COL19A1: variants seen among roughly 807,000 people sequenced by gnomAD.
COL19A1 encodes the protein collagen type XIX alpha 1 chain.
COL19A1 carries 159 observed loss-of-function variants against 190.2 expected under a neutral mutation model. The observed-to-expected ratio is 0.84, with a 90% CI of 0.73 to 0.95. The LOEUF is 0.95. Ranked by LOEUF, COL19A1 falls within the 40% of genes least tolerant of loss-of-function variation. The pLI, the probability that COL19A1 is intolerant of heterozygous loss-of-function variation, is 0.00. For synonymous variants in COL19A1, 509 were observed against 458.9 expected (o/e 1.11, Z -1.39); for missense variants, 1,418 against 1,431.9 (o/e 0.99, Z 0.16).
intron 16 of COL19A1, among the ~76,000 whole-genome samples, chr6:70,113,912 G>A (rs562110656): frequency 6.5e-5 from 9 of 137,464 alleles, no homozygotes; most frequent in East Asian, 2.2e-4. Context: ...GTGTAGTGGC[G>A]TGATCTCAGC....
chr6:69,977,740 C>T (rs1344180933), intron 11 of COL19A1, among the ~76,000 whole-genome samples: 1 of 151,926 alleles, frequency 6.6e-6, no homozygotes, highest in African/African-American at 2.4e-5. Context: ...TAGATGTGGC[C>T]TCTATCTAGG....
intron 5 of COL19A1, 41 bp from the exon 6 acceptor site, chr6:69,929,384 T>C: frequency 6.4e-7 from 1 of 1,573,398 alleles, no homozygotes. Context: ...ATTTTGAACA[T>C]TGATTTTTAA....
chr6:70,119,383 C>T (rs771302963), intron 16 of COL19A1, among the ~76,000 whole-genome samples: 3 of 152,126 alleles, frequency 2.0e-5, no homozygotes, highest in Non-Finnish European at 2.9e-5. Context: ...TTCACTTTCC[C>T]GCCTCCTGCA....
chr6:69,897,119 T>C (rs1158002879), intron 2 of COL19A1, among the ~76,000 whole-genome samples: 1 of 152,220 alleles, frequency 6.6e-6, no homozygotes, highest in East Asian at 1.9e-4. Context: ...CCTTTCATAT[T>C]TATTTCTATG....
chr6:70,094,595 CAAAT>C (rs1461019853), intron 15 of COL19A1, among the ~76,000 whole-genome samples: 1 of 152,126 alleles, frequency 6.6e-6, no homozygotes, highest in Non-Finnish European at 1.5e-5. Flanking sequence ...AACCATCTGT[CAAAT>C]GAATACCAAT....
intron 14 of COL19A1, among the ~76,000 whole-genome samples, chr6:70,038,416 T>A (rs1779467656): frequency 6.6e-6 from 1 of 152,210 alleles, no homozygotes; most frequent in Admixed American, 6.5e-5. Flanking sequence ...TGGAAAAAGC[T>A]TTCTTCCTAC....
intron 14 of COL19A1, among the ~76,000 whole-genome samples, chr6:70,055,125 C>A (rs1165090258): frequency 2.0e-5 from 3 of 151,982 alleles, no homozygotes; most frequent in Non-Finnish European, 4.4e-5. Context: ...TGAAATAGAC[C>A]TAAATTCACT....
chr6:69,962,125 A>G (rs951916230), intron 10 of COL19A1, among the ~76,000 whole-genome samples: 4 of 152,220 alleles, frequency 2.6e-5, no homozygotes, highest in African/African-American at 9.6e-5. Context: ...GGAGGCACTC[A>G]GTCAACTTTT....
intron 48 of COL19A1, among the ~76,000 whole-genome samples, chr6:70,199,239 A>T (rs1336602039): frequency 6.6e-6 from 1 of 152,212 alleles, no homozygotes; most frequent in East Asian, 1.9e-4. Context: ...CGTTCACAAC[A>T]TTCCTGGAAA....
chr6:69,940,574 C>T (rs1242948977), intron 9 of COL19A1, among the ~76,000 whole-genome samples: 1 of 152,130 alleles, frequency 6.6e-6, no homozygotes, highest in Non-Finnish European at 1.5e-5. Context: ...TATATGACTT[C>T]TCATCTGCAG....
intron 9 of COL19A1, among the ~76,000 whole-genome samples, chr6:69,949,438 G>C (rs914465508): frequency 2.6e-4 from 39 of 151,784 alleles, no homozygotes; most frequent in African/African-American, 9.2e-4. Context: ...ACCACTTATT[G>C]AAAATAATTC....
rs1171939026 is a variant in COL19A1, at chr6:69,879,662, T to C, written c.91+4T>C. On this transcript the variant is annotated splice_donor_region_variant and intron_variant, in intron 2 of 50. Coordinates refer to ENST00000620364, the MANE Select transcript of COL19A1 (RefSeq NM_001858.6). ...GTGACCGTTAGGGACAAGACAGGTA[T>C]CCAGGCCAACTCTTTGCCTAATCAC... 2 of 1,613,916 alleles carry C rather than the reference T, an allele frequency of 1.2e-6. No individual in the cohort carries two copies. Among genetic ancestry groups the C allele is most frequent in the African/African-American group, 1.3e-5 (1 of 75,042 alleles).
At chr6:70,111,273 T>C (rs1198661221) in intron 16 of COL19A1, among the ~76,000 whole-genome samples, 2 of 152,204 alleles carry the variant, frequency 1.3e-5, no homozygotes, top group South Asian at 2.1e-4. Context: ...TCAGTAACTA[T>C]AGCTTAGTAT....
At chr6:69,899,614 G>T (rs1193297430) in intron 3 of COL19A1, among the ~76,000 whole-genome samples, 1 of 151,984 alleles carries the variant, frequency 6.6e-6, no homozygotes, top group Admixed American at 6.5e-5. Context: ...AAAAAAATTT[G>T]TGAGAAGGAA....
chr6:69,994,903 G>A (rs1046507844), intron 11 of COL19A1, among the ~76,000 whole-genome samples: 11 of 151,994 alleles, frequency 7.2e-5, no homozygotes, highest in African/African-American at 1.9e-4. Context: ...CCCTGCCCAC[G>A]GTGTCCCCAC....
chr6:70,172,966 T>C (rs1417077386), intron 41 of COL19A1, among the ~76,000 whole-genome samples: 1 of 152,124 alleles, frequency 6.6e-6, no homozygotes, highest in Non-Finnish European at 1.5e-5. Flanking sequence ...AATGCCTGGA[T>C]TTGGATATAT....
At chr6:69,894,569 A>G (rs1769586716) in intron 2 of COL19A1, among the ~76,000 whole-genome samples, 2 of 152,236 alleles carry the variant, frequency 1.3e-5, no homozygotes, top group South Asian at 2.1e-4. Context: ...GGCCAAATTA[A>G]TTAGAGCTCT....
chr6:70,073,688 A>G (rs1021927238), intron 15 of COL19A1, among the ~76,000 whole-genome samples: 4 of 152,134 alleles, frequency 2.6e-5, no homozygotes, highest in Admixed American at 6.6e-5. Flanking sequence ...TGTTGATCTA[A>G]CTTGATAATA....
chr6:69,952,554 C>T (rs1774186707), intron 9 of COL19A1, among the ~76,000 whole-genome samples: 1 of 151,864 alleles, frequency 6.6e-6, no homozygotes, highest in South Asian at 2.1e-4. Context: ...AGAAGTACAT[C>T]TGATAACATG....
Sources: gnomAD v4.1 joint callset for allele counts (sites outside exome capture counted in the v4.1 genomes callset) on GRCh38, gnomAD v4.1.1 for gene constraint, MANE v1.5 for transcripts, NCBI Gene and HGNC (gene_info 2026-07-23, HGNC 2026-07-21) for gene names.